Variants in FANCI observed in about 807,000 individuals in gnomAD.
FANCI encodes FA complementation group I.
A neutral mutation model predicts 176.1 loss-of-function variants in FANCI; 156 were observed. That is an observed-to-expected ratio of 0.89 (90% confidence interval 0.78 to 1.01). The LOEUF is 1.01. Among genes scored for constraint, FANCI ranks in the 50% least tolerant of loss-of-function variants. FANCI has a pLI of 0.00. For missense variants in FANCI, 1,678 were observed against 1,534.1 expected (o/e 1.09, Z -1.57); for synonymous variants, 613 against 541.7 (o/e 1.13, Z -1.83).
intron 14 of FANCI, among the ~76,000 whole-genome samples, chr15:89,280,089 T>C (rs2053559852): frequency 6.6e-6 from 1 of 152,212 alleles, no homozygotes; most frequent in Non-Finnish European, 1.5e-5. Context: ...TGGTGTGATC[T>C]CAGCTCACTG....
At position 89,278,705 on chromosome 15, in the gene FANCI, CAAG is replaced by C. The variant is rs1395640382; in HGVS notation, c.1315_1317del (p.Glu439del). The C allele has an allele frequency of 2.5e-6, 4 of 1,613,674 alleles. No homozygotes were observed. Among genetic ancestry groups the C allele is most frequent in the East Asian group, 2.2e-5 (1 of 44,854 alleles). ...TTTTTAGATCCATGAGATGATCAGA[CAAG>C]AAATTTTGGAGCAGGTCCTCAACAG... On this transcript the variant is annotated inframe_deletion, in exon 14 of 38. Transcript: ENST00000310775.
intron 18 of FANCI, among the ~76,000 whole-genome samples, chr15:89,287,045 C>G (rs1306970097): frequency 7.3e-6 from 1 of 137,226 alleles, no homozygotes. Flanking sequence ...ACAATCTCGG[C>G]TCACTGCAAC....
chr15:89,300,722 G>A (rs531657001), intron 26 of FANCI, among the ~76,000 whole-genome samples: 5 of 152,186 alleles, frequency 3.3e-5, no homozygotes, highest in African/African-American at 4.8e-5. Context: ...GACAGACAAC[G>A]TAAACACTGG....
chr15:89,298,621 T>C (rs2054404436), intron 24 of FANCI, among the ~76,000 whole-genome samples: 1 of 151,996 alleles, frequency 6.6e-6, no homozygotes, highest in African/African-American at 2.4e-5. Context: ...AAAGCACAAC[T>C]ATGAAGAAGC....
At chr15:89,249,125 G>C (rs2052119734) in intron 2 of FANCI, among the ~76,000 whole-genome samples, 1 of 152,100 alleles carries the variant, frequency 6.6e-6, no homozygotes, top group Non-Finnish European at 1.5e-5. Context: ...GTATTAATCA[G>C]CTTTTTATCC....
intron 10 of FANCI, among the ~76,000 whole-genome samples, chr15:89,268,930 T>TAGTA (rs2053089488): frequency 6.6e-6 from 1 of 152,204 alleles, no homozygotes; most frequent in African/African-American, 2.4e-5. Flanking sequence ...ATGTTGCATC[T>TAGTA]AGTAGTATAT....
intron 35 of FANCI, among the ~76,000 whole-genome samples, chr15:89,313,513 G>A (rs1207292366): frequency 2.0e-5 from 3 of 152,168 alleles, no homozygotes; most frequent in Non-Finnish European, 4.4e-5. Context: ...TTTAGGTAAA[G>A]TTGGTGAATG....
intron 2 of FANCI, among the ~76,000 whole-genome samples, chr15:89,249,062 T>G (rs1156852911): frequency 6.6e-6 from 1 of 152,224 alleles, no homozygotes; most frequent in East Asian, 1.9e-4. Flanking sequence ...TCACCTTTTT[T>G]AGATTCATCT....
At chr15:89,288,930 C>T (rs1435953796) in intron 18 of FANCI, among the ~76,000 whole-genome samples, 2 of 152,074 alleles carry the variant, frequency 1.3e-5, no homozygotes, top group Admixed American at 6.5e-5. Context: ...CATGAGCTAC[C>T]GTGCCCGGCC....
rs1226970963 is a variant in FANCI, at chr15:89,314,842, C to G, written c.3816+135C>G. On this transcript the variant is annotated intron_variant, in intron 36 of 37. Transcript: ENST00000310775. Reference sequence around the variant, plus strand: ...GTGTTTGCCATCCCCCCTCTCCCCCCCCCCCCCTTTTTTTTTTTGAGACTG... The same window carrying G: ...GTGTTTGCCATCCCCCCTCTCCCCCGCCCCCCCTTTTTTTTTTTGAGACTG... 130 of 550,022 alleles carry G rather than the reference C, an allele frequency of 2.4e-4. No homozygotes were observed. The East Asian group carries it at 4.2e-3, about 18-fold the overall frequency. 34.1% of individuals were successfully genotyped at this position (550,022 alleles called of 1,614,324 possible).
chr15:89,270,823 A>G (rs2053171672), intron 10 of FANCI, among the ~76,000 whole-genome samples: 1 of 152,126 alleles, frequency 6.6e-6, no homozygotes, highest in Non-Finnish European at 1.5e-5. Flanking sequence ...TTGTGGCATG[A>G]TATGCCCAAG....
At chr15:89,288,248 C>G (rs2053901835) in intron 18 of FANCI, among the ~76,000 whole-genome samples, 1 of 152,170 alleles carries the variant, frequency 6.6e-6, no homozygotes, top group Non-Finnish European at 1.5e-5. Context: ...AAATTCTCAG[C>G]CACCAGCTGG....
At chr15:89,245,454 C>T (rs1400407553) in intron 1 of FANCI, 3 of 147,468 alleles carry the variant, frequency 2.0e-5, no homozygotes, top group Non-Finnish European at 4.4e-5. Context: ...GCCTTGGCCT[C>T]CCAAAGTGCT....
At chr15:89,274,133 T>A in intron 11 of FANCI, 35 bp from the exon 12 acceptor site, 1 of 1,445,578 alleles carries the variant, frequency 6.9e-7, no homozygotes, top group South Asian at 1.3e-5. Flanking sequence ...TTTATTTATT[T>A]ATTTTTTCAT....
In FANCI at chr15:89,305,635, C is replaced by A; in HGVS notation, c.3286C>A (p.Leu1096Ile). The A allele has an allele frequency of 6.2e-7, 1 of 1,614,032 alleles. No homozygotes were observed. The highest frequency in any genetic ancestry group is 1.7e-5 in the Admixed American group (1 of 60,004). Residue 1096 changes from leucine to isoleucine, a missense_variant, in exon 31 of 38, where the codon CTA (leucine) becomes ATA (isoleucine). Transcript: ENST00000310775. ...LLVLSQAEKV[L>I]EEVDWLITKL... is the part of the protein sequence containing the mutation. ...TGTTCTGAGTCAGGCCGAGAAGGTT[C>A]TAGAAGAAGTGGACTGGCTAATCAC...
intron 36 of FANCI, 29 bp downstream of exon 36, chr15:89,314,736 T>C (rs945737012): frequency 1.3e-6 from 2 of 1,513,098 alleles, no homozygotes; most frequent in Non-Finnish European, 1.8e-6. Flanking sequence ...TGTGCTACCA[T>C]TCCCATTTAC....
rs75991050 is a variant in FANCI, at chr15:89,283,638, T to C, written c.1698+388T>C. Among the ~76,000 whole-genome samples the C allele has an allele frequency of 2.6e-3, 402 of 152,348 alleles. 8 individuals are homozygous for C. The highest frequency in any genetic ancestry group is 0.015 in the East Asian group (76 of 5,186). Reference sequence around the variant, plus strand: ...TTACATCTTCAGAGAGAATTTTGTATGTGTTGGGTTACAGAAAACATTAAA... The same window carrying C: ...TTACATCTTCAGAGAGAATTTTGTACGTGTTGGGTTACAGAAAACATTAAA... On this transcript the variant is annotated intron_variant, in intron 17 of 37. Coordinates refer to ENST00000310775, the MANE Select transcript of FANCI (RefSeq NM_001113378.2).
At chr15:89,254,193 A>G (rs2052395942) in intron 2 of FANCI, among the ~76,000 whole-genome samples, 1 of 152,150 alleles carries the variant, frequency 6.6e-6, no homozygotes, top group South Asian at 2.1e-4. Context: ...TCCTGTCTCT[A>G]TAAAAAAATA....
chr15:89,314,421 A>C (rs2055116169), intron 35 of FANCI, among the ~76,000 whole-genome samples, 191 bp from the exon 36 acceptor site: 1 of 152,248 alleles, frequency 6.6e-6, no homozygotes, highest in Admixed American at 6.5e-5. Context: ...CAGTGCAATT[A>C]TCTCTACTGG....
Sources: gnomAD v4.1 joint callset for allele counts (sites outside exome capture counted in the v4.1 genomes callset) on GRCh38, gnomAD v4.1.1 for gene constraint, MANE v1.5 for transcripts, NCBI Gene and HGNC (gene_info 2026-07-23, HGNC 2026-07-21) for gene names.